FNDC3B: variants seen among roughly 807,000 people sequenced by gnomAD.
The protein encoded by FNDC3B is fibronectin type III domain containing 3B.
A neutral mutation model predicts 151.5 loss-of-function variants in FNDC3B; 12 were observed. The observed-to-expected ratio is 0.08, with a 90% CI of 0.05 to 0.13. The LOEUF (loss-of-function observed/expected upper bound fraction) is 0.13. Ranked by LOEUF, FNDC3B falls within the 10% of genes least tolerant of loss-of-function variation. The pLI, the probability that FNDC3B is intolerant of heterozygous loss-of-function variation, is 1.00. For missense variants in FNDC3B, 1,214 were observed against 1,505.3 expected, an observed-to-expected ratio of 0.81 and a Z score of 3.20; for synonymous variants, 528 against 549.0, an observed-to-expected ratio of 0.96 and a Z score of 0.54.
intron 3 of FNDC3B, among the ~76,000 whole-genome samples, chr3:172,204,423 C>A (rs1341444912): frequency 1.3e-5 from 2 of 152,106 alleles, no homozygotes; most frequent in African/African-American, 4.8e-5. Context: ...TTTATTTCTC[C>A]TGAGCAAAAT....
Position 172,110,101 on chromosome 3 carries a change from G to T in FNDC3B, c.-28-2351G>T, listed in dbSNP as rs190851640. Among the ~76,000 whole-genome samples, 10 of 152,220 alleles carry T rather than the reference G, an allele frequency of 6.6e-5. No individual in the cohort carries two copies. In the East Asian group the frequency reaches 1.9e-3, roughly 29 times the overall value. On this transcript the variant is annotated intron_variant, in intron 1 of 25. Coordinates refer to ENST00000415807, the MANE Select transcript of FNDC3B (RefSeq NM_022763.4). ...TGGATTGCTATGTCTCATTGACAGCGGTCCTGTTAGTTAACACAATGCCTA... is the reference window on the plus strand; with the variant it reads ...TGGATTGCTATGTCTCATTGACAGCTGTCCTGTTAGTTAACACAATGCCTA...
intron 2 of FNDC3B, among the ~76,000 whole-genome samples, chr3:172,114,530 C>T (rs1465512880): frequency 6.6e-6 from 1 of 152,108 alleles, no homozygotes; most frequent in Non-Finnish European, 1.5e-5. Flanking sequence ...TGGCATTTCC[C>T]TACCTTGCAT....
At chr3:172,242,785 T>G (rs1207772396) in intron 4 of FNDC3B, among the ~76,000 whole-genome samples, 4 of 152,238 alleles carry the variant, frequency 2.6e-5, no homozygotes, top group African/African-American at 7.2e-5. Flanking sequence ...TCTTTGTTAC[T>G]TAAGCAAATT....
chr3:172,196,020 A>G (rs539657222), intron 3 of FNDC3B, among the ~76,000 whole-genome samples: 5 of 152,316 alleles, frequency 3.3e-5, no homozygotes, highest in African/African-American at 1.2e-4. Flanking sequence ...TAAATGTACA[A>G]TGTTAATTAT....
intron 3 of FNDC3B, among the ~76,000 whole-genome samples, chr3:172,213,689 T>C (rs370176487): frequency 4.1e-4 from 62 of 152,350 alleles, no homozygotes; most frequent in African/African-American, 1.4e-3. Context: ...TCCCCATTCT[T>C]ACCTATCCTA....
At chr3:172,324,325 C>T (rs925392760) in intron 11 of FNDC3B, among the ~76,000 whole-genome samples, 3 of 152,088 alleles carry the variant, frequency 2.0e-5, no homozygotes, top group African/African-American at 2.4e-5. Context: ...AAAACACCCT[C>T]GTCCCTGGTT....
chr3:172,131,302 C>A (rs9290444), intron 2 of FNDC3B, among the ~76,000 whole-genome samples: 97,417 of 151,454 alleles, frequency 0.64, 31,531 homozygotes, highest in East Asian at 0.77. Flanking sequence ...CTGAGGCAGG[C>A]GAATTGCTTG....
intron 3 of FNDC3B, among the ~76,000 whole-genome samples, chr3:172,205,608 C>T (rs555461469): frequency 8.5e-4 from 129 of 152,162 alleles, no homozygotes; most frequent in Non-Finnish European, 1.6e-3. Flanking sequence ...TACAGCACTA[C>T]GGTTGGCGAG....
chr3:172,307,311 C>T, intron 9 of FNDC3B, 52 bp from the exon 10 acceptor site: 1 of 1,595,272 alleles, frequency 6.3e-7, no homozygotes, highest in Non-Finnish European at 8.6e-7. Flanking sequence ...GATAAGAATC[C>T]TGGTCTTCTA....
At chr3:172,084,698 C>T (rs1400537913) in intron 1 of FNDC3B, among the ~76,000 whole-genome samples, 1 of 152,122 alleles carries the variant, frequency 6.6e-6, no homozygotes, top group Middle Eastern at 3.2e-3. Flanking sequence ...TTAATTTGTC[C>T]AGTTACATGG....
intron 3 of FNDC3B, among the ~76,000 whole-genome samples, chr3:172,212,590 A>C (rs1560020874): frequency 6.6e-6 from 1 of 152,226 alleles, no homozygotes; most frequent in Non-Finnish European, 1.5e-5. Flanking sequence ...AGAAATTGTC[A>C]GCTAACACCT....
At chr3:172,114,100 C>G (rs980652067) in intron 2 of FNDC3B, among the ~76,000 whole-genome samples, 1 of 152,180 alleles carries the variant, frequency 6.6e-6, no homozygotes, top group Non-Finnish European at 1.5e-5. Flanking sequence ...TTTCTGATGT[C>G]ATTGGCCTAC....
intron 3 of FNDC3B, among the ~76,000 whole-genome samples, chr3:172,167,026 G>A (rs559070431): frequency 6.6e-6 from 1 of 152,288 alleles, no homozygotes; most frequent in East Asian, 1.9e-4. Flanking sequence ...GCACTGCAAG[G>A]TTGGAATAGT....
rs371445247 is a variant in FNDC3B at position 172,314,321 on chromosome 3, A to G, written c.1254+3440A>G. On this transcript the variant is annotated intron_variant, in intron 11 of 25. Transcript: ENST00000415807. ...CTGAAGAAACAAACTTAGATTGCAG[A>G]AAGTTTTTGAGGTGCACAGAGACAC... 1.6e-3 allele frequency among the ~76,000 whole-genome samples: 246 copies of G among 152,298 alleles called. 1 individual carries two copies. Among genetic ancestry groups the G allele is most frequent in the African/African-American group, 5.9e-3 (244 of 41,560 alleles).
At chr3:172,308,404 G>C (rs907203995) in intron 10 of FNDC3B, among the ~76,000 whole-genome samples, 6 of 152,184 alleles carry the variant, frequency 3.9e-5, no homozygotes, top group African/African-American at 1.4e-4. Context: ...AATTTAAAAT[G>C]TAAAATAGAT....
At position 172,341,149 on chromosome 3, in the gene FNDC3B, C is replaced by T. The variant is rs1157834143; in HGVS notation, c.1889C>T (p.Thr630Ile). The change falls in exon 17 of 26, where the codon ACC (threonine) becomes ATC (isoleucine). Residue 630 changes from threonine (T) to isoleucine (I), a missense_variant. Thr to Ile is a moderately conservative substitution (Grantham distance 89). Coordinates refer to ENST00000415807, the MANE Select transcript of FNDC3B (RefSeq NM_022763.4). ...GAAGTGGCCTACAGTGGGTCGGCTA[C>T]CGAATACACCTTCACCCACTTGAAA... is the stretch of plus-strand genomic sequence containing the variant. The part of the protein sequence containing the change: ...QWEVAYSGSA[T>I]EYTFTHLKPG... 6.8e-6 allele frequency: 11 copies of T among 1,614,148 alleles called. No individual in the cohort carries two copies. Among genetic ancestry groups the T allele is most frequent in the Non-Finnish European group, 9.3e-6 (11 of 1,179,978 alleles).
At chr3:172,174,944 C>CCCCCCCCCCCCG (rs924176605) in intron 3 of FNDC3B, among the ~76,000 whole-genome samples, 7 of 50,736 alleles carry the variant, frequency 1.4e-4, no homozygotes, top group Non-Finnish European at 3.5e-4. Context: ...CCCCCCCCCC[C>CCCCCCCCCCCCG]CCAATACAAT....
chr3:172,216,134 G>A (rs1255762934), intron 3 of FNDC3B, among the ~76,000 whole-genome samples: 1 of 152,168 alleles, frequency 6.6e-6, no homozygotes, highest in African/African-American at 2.4e-5. Flanking sequence ...TGAAGCACTC[G>A]ATGCTCTGGT....
intron 3 of FNDC3B, among the ~76,000 whole-genome samples, chr3:172,150,152 G>T (rs1722147443): frequency 6.6e-6 from 1 of 151,984 alleles, no homozygotes; most frequent in Admixed American, 6.6e-5. Flanking sequence ...TGTTAAACTT[G>T]GCTGCATGTT....
Sources: allele counts gnomAD v4.1 joint callset (sites outside exome capture counted in the v4.1 genomes callset), GRCh38; gene constraint gnomAD v4.1.1; transcripts MANE v1.5; gene names NCBI Gene and HGNC (gene_info 2026-07-23, HGNC 2026-07-21).